Variants in SLC4A5 observed in about 807,000 individuals in gnomAD.
SLC4A5 encodes the protein electrogenic sodium bicarbonate cotransporter 4.
SLC4A5 carries 96 observed loss-of-function variants against 120.4 expected under a neutral mutation model. That is an observed-to-expected ratio of 0.80 (90% CI 0.68 to 0.94). SLC4A5 has a LOEUF of 0.94. Among genes scored for constraint, SLC4A5 ranks in the 40% least tolerant of loss-of-function variants. The pLI is 0.00. For synonymous variants in SLC4A5, 550 were observed against 571.1 expected, an observed-to-expected ratio of 0.96 and a Z score of 0.53; for missense variants, 1,259 against 1,459.5, an observed-to-expected ratio of 0.86 and a Z score of 2.24.
intron 8 of SLC4A5, among the ~76,000 whole-genome samples, chr2:74,282,164 G>A (rs750485204): frequency 2.0e-5 from 3 of 152,202 alleles, no homozygotes; most frequent in Non-Finnish European, 4.4e-5. Flanking sequence ...AACTGTTCAG[G>A]CCCATGGTGG....
intron 12 of SLC4A5, 147 bp from the exon 13 acceptor site, chr2:74,256,079 G>A (rs552955007): frequency 7.7e-5 from 65 of 848,562 alleles, no homozygotes; most frequent in South Asian, 4.9e-4. Context: ...GTACTCCTCC[G>A]ATTCTGCAGA....
intron 5 of SLC4A5, among the ~76,000 whole-genome samples, chr2:74,321,928 A>C (rs1460818842): frequency 6.6e-6 from 1 of 151,964 alleles, no homozygotes; most frequent in Non-Finnish European, 1.5e-5. Flanking sequence ...GTGGAAGTCC[A>C]TTGGGTAAGA....
At chr2:74,241,843 T>C in intron 20 of SLC4A5, 151 bp downstream of exon 20, 1 of 547,612 alleles carries the variant, frequency 1.8e-6, no homozygotes, top group South Asian at 1.8e-5. Context: ...AAGTGTTCAT[T>C]TACAAAGCTC....
rs541160608 is a variant in SLC4A5, at chr2:74,278,571, C to G, written c.401+7202G>C. ...CAGCTGTGAGAGCACTGGATGGAAC[C>G]CAGGGCCTCTGAGACTTCAGGGAAC... On this transcript the variant is annotated intron_variant, in intron 8 of 30. Coordinates refer to ENST00000394019, the Ensembl canonical transcript of SLC4A5. Among the ~76,000 whole-genome samples the G allele has an allele frequency of 1.6e-4, 25 of 152,220 alleles. No individual in the cohort carries two copies. In the South Asian group the frequency reaches 5.0e-3, roughly 30 times the overall value.
intron 8 of SLC4A5, among the ~76,000 whole-genome samples, chr2:74,278,397 TC>T (rs1031367341): frequency 6.6e-6 from 1 of 152,180 alleles, no homozygotes; most frequent in African/African-American, 2.4e-5. Context: ...TGCCTGGCTG[TC>T]CCCATGGGTG....
intron 6 of SLC4A5, among the ~76,000 whole-genome samples, chr2:74,310,812 A>G (rs1371680225): frequency 6.6e-6 from 1 of 152,074 alleles, no homozygotes; most frequent in African/African-American, 2.4e-5. Flanking sequence ...TGCTGACTTC[A>G]TGGGATTAGT....
rs200136623 is a variant in SLC4A5 at position 74,255,929 on chromosome 2, T to C, written c.871A>G (p.Lys291Glu). ...GGGATCTTCTTCATGAATTTGTTTT[T>C]CCGCTGGACAGGGAGGGGAAACGAG... The change falls in exon 13 of 31, where the codon AAA becomes GAA. Residue 291 changes from lysine to glutamate, a missense_variant. Physicochemically the swap from Lys to Glu is moderately conservative, Grantham distance 56. Transcript: ENST00000394019. This position sits in a 1 kb window ranked among gnomAD's most constrained non-coding sequence, Gnocchi z 4.0. 2 of 1,613,574 alleles carry C rather than the reference T, an allele frequency of 1.2e-6. No individual in the cohort carries two copies. The highest frequency in any genetic ancestry group is 4.5e-5 in the East Asian group (2 of 44,860).
intron 7 of SLC4A5, among the ~76,000 whole-genome samples, chr2:74,299,307 C>A (rs11688964): frequency 6.6e-6 from 1 of 152,126 alleles, no homozygotes; most frequent in Non-Finnish European, 1.5e-5. Context: ...GCTGAGATTG[C>A]GCCATTGCAC....
chr2:74,297,677 A>G (rs1319162600), intron 7 of SLC4A5, among the ~76,000 whole-genome samples: 1 of 152,192 alleles, frequency 6.6e-6, no homozygotes, highest in African/African-American at 2.4e-5. Context: ...CCCAGGGTAG[A>G]AACCCTGGCT....
intron 12 of SLC4A5, among the ~76,000 whole-genome samples, chr2:74,257,276 T>C (rs1186593151): frequency 1.3e-5 from 2 of 151,616 alleles, no homozygotes; most frequent in Non-Finnish European, 1.5e-5. Context: ...CACAACCACC[T>C]GGGCAACCAT....
chr2:74,229,862 A>G (rs1694997810), intron 25 of SLC4A5, among the ~76,000 whole-genome samples: 1 of 151,410 alleles, frequency 6.6e-6, no homozygotes, highest in African/African-American at 2.4e-5. Context: ...TGTTTCTTAC[A>G]AGGTCACCTC....
At chr2:74,267,539 A>T (rs762232438) in intron 8 of SLC4A5, among the ~76,000 whole-genome samples, 10 of 152,232 alleles carry the variant, frequency 6.6e-5, no homozygotes, top group Admixed American at 3.3e-4. Context: ...AAAAAGAAAA[A>T]CACACTTGTG....
At chr2:74,304,528 T>C in exon 7 of SLC4A5, 1 of 1,614,060 alleles carries the variant, frequency 6.2e-7, no homozygotes, top group Non-Finnish European at 8.5e-7. Flanking sequence ...TCCTGGCTGC[T>C]TGCCCCACTC....
intron 7 of SLC4A5, among the ~76,000 whole-genome samples, chr2:74,295,351 C>T (rs896337528): frequency 1.3e-5 from 2 of 152,030 alleles, no homozygotes; most frequent in Admixed American, 6.6e-5. Flanking sequence ...TTGAGTATCT[C>T]GGCCAGGTGC....
intron 22 of SLC4A5, among the ~76,000 whole-genome samples, chr2:74,234,138 G>A (rs2103921057): frequency 6.6e-6 from 1 of 151,912 alleles, no homozygotes; most frequent in African/African-American, 2.4e-5. Context: ...TCCCTACTCT[G>A]GTGAGATCGT....
At chr2:74,248,579 G>C in intron 17 of SLC4A5, 93 bp from the exon 18 acceptor site, 1 of 1,453,508 alleles carries the variant, frequency 6.9e-7, no homozygotes, top group Non-Finnish European at 9.4e-7. Flanking sequence ...ACGGGCCCAG[G>C]CCACAGTGTT....
chr2:74,251,381 C>T (rs1057329352), intron 16 of SLC4A5, among the ~76,000 whole-genome samples: 2 of 151,722 alleles, frequency 1.3e-5, no homozygotes, highest in Non-Finnish European at 2.9e-5. Flanking sequence ...TTTTCAAGGC[C>T]ACATCCTTTC....
At chr2:74,265,166 G>A in exon 9 of SLC4A5, 1 of 1,614,236 alleles carries the variant, frequency 6.2e-7, no homozygotes, top group Non-Finnish European at 8.5e-7. Context: ...CTGCAGGCAG[G>A]TACGGAGCTC....
intron 21 of SLC4A5, among the ~76,000 whole-genome samples, chr2:74,235,856 C>T (rs1670251414): frequency 6.6e-6 from 1 of 152,166 alleles, no homozygotes; most frequent in African/African-American, 2.4e-5. Context: ...GAATCAATGT[C>T]CTCCGACCTC....
Sources: gnomAD v4.1 joint callset for allele counts (sites outside exome capture counted in the v4.1 genomes callset) on GRCh38, gnomAD v4.1.1 for gene constraint, Gnocchi (gnomAD v3.1) non-coding constraint, MANE v1.5 for transcripts, NCBI Gene and HGNC (gene_info 2026-07-23, HGNC 2026-07-21) for gene names.